The following ZNF143 variants were observed in gnomAD, a reference collection of about 807,000 sequenced individuals.
ZNF143 encodes SPH-binding factor.
In ZNF143, 49 loss-of-function variants were observed where a neutral mutation model predicts 74.1. The ratio of observed to expected loss-of-function variants is 0.66; its 90% CI spans 0.53 to 0.84. ZNF143 has a LOEUF of 0.84. Among genes scored for constraint, ZNF143 ranks in the 40% least tolerant of loss-of-function variants. ZNF143 has a pLI of 0.00. For missense variants in ZNF143, 637 were observed against 793.4 expected (o/e 0.80, Z 2.37); for synonymous variants, 304 against 282.8 (o/e 1.07, Z -0.75).
chr11:9,527,629 A>G lies in ZNF143; in HGVS notation c.*16A>G. On this transcript the variant is annotated 3_prime_UTR_variant, in exon 16 of 16. Coordinates refer to ENST00000396602, the MANE Select transcript of ZNF143 (RefSeq NM_003442.6). ...GGATGATTAATCCTCAGAACAATGGAGCAATAAAGCAGAAGGAGTCTTTCA... is the reference window on the plus strand; with the variant it reads ...GGATGATTAATCCTCAGAACAATGGGGCAATAAAGCAGAAGGAGTCTTTCA... 1 of 1,609,292 alleles carries G rather than the reference A, an allele frequency of 6.2e-7. No individual in the cohort carries two copies. Among genetic ancestry groups the G allele is most frequent in the Non-Finnish European group, 8.5e-7 (1 of 1,176,068 alleles).
At chr11:9,517,094 A>AT (rs1202239491) in intron 14 of ZNF143, among the ~76,000 whole-genome samples, 1 of 151,356 alleles carries the variant, frequency 6.6e-6, no homozygotes, top group Non-Finnish European at 1.5e-5. Context: ...TTTATTTTTT[A>AT]TTTTTATTTT....
chr11:9,466,678 CCGT>C (rs1268984566), intron 1 of ZNF143, among the ~76,000 whole-genome samples: 1 of 152,026 alleles, frequency 6.6e-6, no homozygotes, highest in Non-Finnish European at 1.5e-5. Flanking sequence ...TGGCCTCAAG[CCGT>C]CTTCCCTCCT....
intron 6 of ZNF143, among the ~76,000 whole-genome samples, chr11:9,479,101 C>T (rs1010057512): frequency 1.3e-5 from 2 of 151,622 alleles, no homozygotes; most frequent in African/African-American, 4.8e-5. Flanking sequence ...CTGCATTGAA[C>T]ATGTATCTCT....
chr11:9,471,709 C>T (rs929855858), intron 2 of ZNF143, among the ~76,000 whole-genome samples: 2 of 151,716 alleles, frequency 1.3e-5, no homozygotes, highest in Admixed American at 6.6e-5. Context: ...TGTGCCACCA[C>T]GTCCGGCTAA....
chr11:9,507,775 A>T (rs1391426865), intron 11 of ZNF143, among the ~76,000 whole-genome samples: 6 of 152,178 alleles, frequency 3.9e-5, no homozygotes, highest in Admixed American at 6.5e-5. Context: ...CATATTTTTT[A>T]AACTGGGACC....
chr11:9,500,241 C>T (rs1848110425), intron 10 of ZNF143, among the ~76,000 whole-genome samples: 1 of 152,014 alleles, frequency 6.6e-6, no homozygotes. Flanking sequence ...GCTGCTGTGC[C>T]TGGCCAGACT....
chr11:9,477,306 G>A (rs917533491), intron 5 of ZNF143, among the ~76,000 whole-genome samples: 11 of 143,056 alleles, frequency 7.7e-5, no homozygotes, highest in African/African-American at 2.9e-4. Context: ...CCAGGCTGGA[G>A]TGCAGTGGTG....
At chr11:9,505,757 C>A (rs1417973139) in intron 11 of ZNF143, among the ~76,000 whole-genome samples, 1 of 150,940 alleles carries the variant, frequency 6.6e-6, no homozygotes, top group Non-Finnish European at 1.5e-5. Context: ...TGGGCACCTG[C>A]AATCCCAGCT....
At chr11:9,482,987 A>C (rs1847308724) in intron 7 of ZNF143, among the ~76,000 whole-genome samples, 1 of 150,252 alleles carries the variant, frequency 6.7e-6, no homozygotes, top group African/African-American at 2.5e-5. Context: ...GTTTTATTTT[A>C]TTATTATATT....
Position 9,527,511 on chromosome 11 carries a change from G to A in ZNF143, c.1834-19G>A, listed in dbSNP as rs754150152. 3.1e-6 allele frequency: 5 copies of A among 1,611,712 alleles called. No individual in the cohort carries two copies. The South Asian group carries it at 3.3e-5, about 11-fold the overall frequency. ...GGCTTTTGAATTGTTAGCGTTTGAT[G>A]TGTGTGTTCCTGTTTCAGCTTGGAG... On this transcript the variant is annotated intron_variant, in intron 15 of 15. Transcript: ENST00000396602.
chr11:9,476,427 C>T (rs934112341), intron 5 of ZNF143, among the ~76,000 whole-genome samples: 1 of 151,970 alleles, frequency 6.6e-6, no homozygotes, highest in African/African-American at 2.4e-5. Flanking sequence ...GGCTGGAGTG[C>T]AGGGACACGA....
Position 9,472,699 on chromosome 11 carries a change from G to A in ZNF143, c.135G>A (p.Met45Ile). 6.2e-7 allele frequency: 1 copy of A among 1,609,982 alleles called. No homozygotes were observed. Among genetic ancestry groups the A allele is most frequent in the Non-Finnish European group, 8.5e-7 (1 of 1,178,824 alleles). Residue 45 changes from methionine to isoleucine, a missense_variant, in exon 3 of 16, where the codon ATG becomes ATA. This residue lies in a region of ZNF143 where 293 missense variants were observed against 307.8 expected (regional missense o/e 0.95). Transcript: ENST00000396602. ...TVADGDNLEN[M>I]EGVSLQAVTL... is the part of the protein sequence containing the mutation. ...TAGATGGTGACAACTTAGAAAATAT[G>A]GAAGGCGTAAGCTTGCAAGCAGTAA...
chr11:9,480,608 G>A (rs574219883), intron 7 of ZNF143, among the ~76,000 whole-genome samples: 5 of 152,154 alleles, frequency 3.3e-5, no homozygotes, highest in East Asian at 1.9e-4. Context: ...GGTTCTGGCC[G>A]GGCGTGGTGG....
chr11:9,470,350 A>G (rs926283879), intron 1 of ZNF143, among the ~76,000 whole-genome samples: 7 of 152,210 alleles, frequency 4.6e-5, no homozygotes, highest in Non-Finnish European at 8.8e-5. Flanking sequence ...AAATACATAA[A>G]TACATGTAAT....
intron 10 of ZNF143, among the ~76,000 whole-genome samples, chr11:9,498,416 A>T (rs531828219): frequency 1.8e-4 from 28 of 152,314 alleles, no homozygotes; most frequent in African/African-American, 6.0e-4. Flanking sequence ...TTAGTAGCCG[A>T]GCTGAGACAG....
At chr11:9,490,530 C>G (rs1447559849) in intron 7 of ZNF143, among the ~76,000 whole-genome samples, 1 of 151,734 alleles carries the variant, frequency 6.6e-6, no homozygotes, top group South Asian at 2.1e-4. Flanking sequence ...AAGTGATCCA[C>G]CTGCTTCAAT....
At chr11:9,489,851 T>A (rs1339193482) in intron 7 of ZNF143, among the ~76,000 whole-genome samples, 1 of 152,138 alleles carries the variant, frequency 6.6e-6, no homozygotes, top group Non-Finnish European at 1.5e-5. Context: ...TGATGCCAAT[T>A]CTACTAAAAT....
At chr11:9,462,621 C>T (rs1855934968) in intron 1 of ZNF143, among the ~76,000 whole-genome samples, 1 of 151,984 alleles carries the variant, frequency 6.6e-6, no homozygotes, top group Non-Finnish European at 1.5e-5. Flanking sequence ...CACCTGTAAT[C>T]TCAGCACTTT....
intron 1 of ZNF143, among the ~76,000 whole-genome samples, chr11:9,468,115 A>G (rs187168415): frequency 4.5e-4 from 68 of 152,294 alleles, no homozygotes; most frequent in Non-Finnish European, 8.5e-4. Flanking sequence ...TGTTCCTCAT[A>G]TTCCCTAGTT....
Sources: allele counts gnomAD v4.1 joint callset (sites outside exome capture counted in the v4.1 genomes callset), GRCh38; gene constraint gnomAD v4.1.1; regional missense constraint gnomAD v4.1.1; transcripts MANE v1.5; gene names NCBI Gene and HGNC (gene_info 2026-07-23, HGNC 2026-07-21).